Variants in USP53 observed in about 807,000 individuals in gnomAD.
USP53 encodes ubiquitin specific peptidase 53, also known as ubiquitin carboxyl-terminal hydrolase 53.
A neutral mutation model predicts 94.9 loss-of-function variants in USP53; 71 were observed. The observed-to-expected ratio is 0.75, with a 90% CI of 0.62 to 0.91. The LOEUF is 0.91. Ranked by LOEUF, USP53 falls within the 40% of genes least tolerant of loss-of-function variation. USP53 has a pLI of 0.00. For missense variants in USP53, 1,173 were observed against 1,281.0 expected (o/e 0.92, Z 1.29); for synonymous variants, 375 against 422.7 (o/e 0.89, Z 1.39).
At chr4:119,251,498 T>C (rs1253491860) in intron 7 of USP53, among the ~76,000 whole-genome samples, 1 of 152,208 alleles carries the variant, frequency 6.6e-6, no homozygotes, top group African/African-American at 2.4e-5. Context: ...CCACAATGGT[T>C]GAACTAATTT....
At chr4:119,280,337 A>T (rs1753369534) in intron 17 of USP53, among the ~76,000 whole-genome samples, 2 of 152,020 alleles carry the variant, frequency 1.3e-5, no homozygotes, top group African/African-American at 4.8e-5. Context: ...CCAGATAGGC[A>T]GGAGTATCTG....
chr4:119,259,915 G>A lies in USP53; in HGVS notation c.665G>A (p.Arg222Lys). The stretch of plus-strand genomic sequence containing the variant: ...GCAGCAAATACAACAGATGACTATA[G>A]GAAATGTCCTGTAAGTATAGTTTGG... ...LQAANTTDDY[R>K]KCPSNCGQKI... is the part of the protein sequence containing the mutation. Residue 222 changes from arginine (R) to lysine (K), a missense_variant, in exon 10 of 19, where the codon AGG becomes AAG. Arg to Lys is a conservative substitution (Grantham distance 26, BLOSUM62 2). Transcript: ENST00000692078. The A allele has an allele frequency of 6.2e-7, 1 of 1,607,562 alleles. No individual in the cohort carries two copies. Among genetic ancestry groups the A allele is most frequent in the Non-Finnish European group, 8.5e-7 (1 of 1,176,784 alleles).
chr4:119,279,300 T>C (rs1753122874), intron 17 of USP53, among the ~76,000 whole-genome samples: 1 of 139,980 alleles, frequency 7.1e-6, no homozygotes, highest in Non-Finnish European at 1.5e-5. Flanking sequence ...CCTTTCTGTT[T>C]GTTAGTTTTC....
At chr4:119,241,383 AG>A (rs775470264) in intron 5 of USP53, among the ~76,000 whole-genome samples, 35 of 152,262 alleles carry the variant, frequency 2.3e-4, no homozygotes, top group South Asian at 4.1e-4. Flanking sequence ...TATTGCTTGA[AG>A]GATCTTTCTT....
chr4:119,213,267 T>C (rs116320715), intron 1 of USP53: 79 of 152,442 alleles, frequency 5.2e-4, no homozygotes, highest in African/African-American at 1.9e-3. Flanking sequence ...CCAAGCCACA[T>C]TGCCTCGCCT....
rs532099140 is a variant in USP53 at position 119,259,297 on chromosome 4, G to C, written c.570-523G>C. 8.1e-5 allele frequency among the ~76,000 whole-genome samples: 12 copies of C among 147,890 alleles called. No individual in the cohort carries two copies. The East Asian group carries it at 1.4e-3, about 17-fold the overall frequency. ...CCCCATCTCAAAAAAAAAAAAAAAG[G>C]GGGGGGAGTAATATTCAAAATAAGA... On this transcript the variant is annotated intron_variant, in intron 9 of 18. Transcript: ENST00000692078.
intron 7 of USP53, among the ~76,000 whole-genome samples, chr4:119,254,573 G>C (rs1749500192): frequency 6.6e-6 from 1 of 152,114 alleles, no homozygotes; most frequent in South Asian, 2.1e-4. Flanking sequence ...AGCTCCATCA[G>C]GTTATTTAAG....
rs1748590555 is a variant in USP53 at position 119,248,830 on chromosome 4, A to G, written c.320A>G (p.Lys107Arg). ...AGGCATGCTCTTGCAGAAAGTTTCA[A>G]AGATGAGCAGCGATTTCAACTTGGC... is the stretch of plus-strand genomic sequence containing the variant. ...NIRHALAESFKDEQRFQLGLM... is the reference protein window; with the variant it reads ...NIRHALAESFRDEQRFQLGLM... Residue 107 changes from lysine to arginine, a missense_variant, in exon 7 of 19, where the codon AAA (lysine) becomes AGA (arginine). Physicochemically the swap from Lys to Arg is conservative, Grantham distance 26. Transcript: ENST00000692078. 6.2e-7 allele frequency: 1 copy of G among 1,614,028 alleles called. No individual in the cohort carries two copies. The highest frequency in any genetic ancestry group is 1.1e-5 in the South Asian group (1 of 91,078).
chr4:119,235,953 C>T (rs902464395), intron 4 of USP53, among the ~76,000 whole-genome samples: 1 of 152,232 alleles, frequency 6.6e-6, no homozygotes, highest in Non-Finnish European at 1.5e-5. Flanking sequence ...GTACACTCTA[C>T]AATTTATTAT....
intron 17 of USP53, among the ~76,000 whole-genome samples, chr4:119,280,312 A>G (rs944720628): frequency 6.6e-6 from 1 of 151,442 alleles, no homozygotes; most frequent in African/African-American, 2.4e-5. Flanking sequence ...AGCCCTTAAA[A>G]CTGTGATTTG....
At chr4:119,224,773 A>C (rs1284447422) in intron 3 of USP53, among the ~76,000 whole-genome samples, 1 of 152,242 alleles carries the variant, frequency 6.6e-6, no homozygotes, top group African/African-American at 2.4e-5. Context: ...TATGTTGAAC[A>C]GAATAAAATT....
chr4:119,243,762 T>C (rs1240452769), intron 5 of USP53, among the ~76,000 whole-genome samples: 1 of 152,222 alleles, frequency 6.6e-6, no homozygotes, highest in Non-Finnish European at 1.5e-5. Flanking sequence ...GAGGGTATTT[T>C]AGCTGAATAT....
chr4:119,280,226 G>GT (rs74427985), intron 17 of USP53, among the ~76,000 whole-genome samples: 288 of 142,330 alleles, frequency 2.0e-3, no homozygotes, highest in East Asian at 7.8e-3. Flanking sequence ...GTCTTTCAAT[G>GT]TTTTTTTTTT....
At chr4:119,278,435 C>G (rs1156809523) in intron 17 of USP53, among the ~76,000 whole-genome samples, 2 of 144,846 alleles carry the variant, frequency 1.4e-5, no homozygotes, top group Admixed American at 7.0e-5. Flanking sequence ...GGCCCCCACT[C>G]TCTTCTGGCT....
chr4:119,271,948 T>C lies in USP53; in HGVS notation c.2088T>C (p.Asn696=). 6.2e-7 allele frequency: 1 copy of C among 1,614,032 alleles called. No individual in the cohort carries two copies. The change falls in exon 16 of 19, where the codon AAT becomes AAC. Residue 696 remains asparagine (N), a synonymous_variant. Transcript: ENST00000692078. ...ATGAAAGCAGTGATCACATCAGTAA[T>C]GGTTCTACTAATTTGGACTCACCTG... The part of the protein sequence containing the change: ...SGYESSDHIS[N]GSTNLDSPVI...
chr4:119,274,087 T>A (rs908641280), intron 17 of USP53, among the ~76,000 whole-genome samples: 186 of 149,694 alleles, frequency 1.2e-3, no homozygotes, highest in African/African-American at 2.2e-3. Flanking sequence ...TATTATTATT[T>A]TTTATTTATT....
chr4:119,267,401 G>A lies in USP53; in HGVS notation c.1054G>A (p.Asp352Asn). The A allele has an allele frequency of 6.2e-6, 10 of 1,614,074 alleles. No homozygotes were observed. The highest frequency in any genetic ancestry group is 8.5e-6 in the Non-Finnish European group (10 of 1,180,012). Residue 352 changes from aspartate (D) to asparagine (N), a missense_variant, in exon 13 of 19, where the codon GAT (aspartate) becomes AAT (asparagine). By Grantham distance (23) the Asp-to-Asn change is conservative. Coordinates refer to ENST00000692078, the MANE Select transcript of USP53 (RefSeq NM_001371395.1). ...QPLLLFYANP[D>N]GTAVSTEDAL... ...ACTACTTTTGTTTTATGCAAACCCA[G>A]ATGGCACAGCAGTTTCTACTGAGGA...
chr4:119,221,803 G>A (rs1017965534), intron 3 of USP53, among the ~76,000 whole-genome samples: 1 of 152,172 alleles, frequency 6.6e-6, no homozygotes, highest in African/African-American at 2.4e-5. Flanking sequence ...AGGGATCCTG[G>A]GAAATGCTGT....
chr4:119,289,590 T>C (rs1754502647), intron 17 of USP53, among the ~76,000 whole-genome samples: 1 of 152,200 alleles, frequency 6.6e-6, no homozygotes, highest in Admixed American at 6.5e-5. Flanking sequence ...ATGACTAAAA[T>C]AATTTTATAC....
Sources: allele counts gnomAD v4.1 joint callset (sites outside exome capture counted in the v4.1 genomes callset), GRCh38; gene constraint gnomAD v4.1.1; transcripts MANE v1.5; gene names NCBI Gene and HGNC (gene_info 2026-07-23, HGNC 2026-07-21).